NELL1: variants seen among roughly 807,000 people sequenced by gnomAD.
The protein encoded by NELL1 is neural EGFL like 1.
NELL1 carries 76 observed loss-of-function variants against 107.4 expected under a neutral mutation model. The observed-to-expected ratio is 0.71, with a 90% CI of 0.59 to 0.86. The LOEUF is 0.86. Ranked by LOEUF, NELL1 falls within the 40% of genes least tolerant of loss-of-function variation. NELL1 has a pLI of 0.00. For synonymous variants in NELL1, 353 were observed against 341.2 expected (o/e 1.03, Z -0.38); for missense variants, 1,024 against 1,005.5 (o/e 1.02, Z -0.25).
At chr11:21,349,737 T>G (rs537924660) in intron 14 of NELL1, among the ~76,000 whole-genome samples, 41 of 152,234 alleles carry the variant, frequency 2.7e-4, no homozygotes, top group African/African-American at 8.7e-4. Flanking sequence ...TGCTACAGTG[T>G]AGGTTGCAGT....
intron 13 of NELL1, among the ~76,000 whole-genome samples, chr11:21,198,628 C>T (rs755290231): frequency 5.9e-5 from 9 of 152,118 alleles, no homozygotes; most frequent in Non-Finnish European, 1.0e-4. Flanking sequence ...TGTTTATAAA[C>T]GGGGTTATTT....
In NELL1 at chr11:21,575,097, G is replaced by A; in HGVS notation, c.*75G>A. ...ACGTGATTAAGGATAGGAATCGGTA[G>A]TTTGGTTTTTTTGTTTGTTTTGTTT... On this transcript the variant is annotated 3_prime_UTR_variant, in exon 20 of 20. Coordinates refer to ENST00000357134, the MANE Select transcript of NELL1 (RefSeq NM_006157.5). 7.5e-7 allele frequency: 1 copy of A among 1,333,694 alleles called. No homozygotes were observed. The highest frequency in any genetic ancestry group is 1.2e-5 in the South Asian group (1 of 83,936). 82.6% of individuals were successfully genotyped at this position (1,333,694 alleles called of 1,614,324 possible).
intron 2 of NELL1, among the ~76,000 whole-genome samples, chr11:20,681,264 T>C (rs1854184285): frequency 6.6e-6 from 1 of 152,108 alleles, no homozygotes; most frequent in African/African-American, 2.4e-5. Flanking sequence ...TTGCCATAAA[T>C]AGCAAGAAGA....
At chr11:21,359,474 T>C (rs1195941950) in intron 14 of NELL1, among the ~76,000 whole-genome samples, 1 of 152,210 alleles carries the variant, frequency 6.6e-6, no homozygotes, top group Non-Finnish European at 1.5e-5. Context: ...GTTTTTTTGT[T>C]ATGTCCTTTA....
intron 12 of NELL1, among the ~76,000 whole-genome samples, chr11:21,070,300 A>G (rs867385027): frequency 1.8e-4 from 27 of 152,300 alleles, no homozygotes; most frequent in African/African-American, 6.3e-4. Context: ...AGAAAATTTC[A>G]GGAGTTAAAC....
At chr11:21,211,301 T>C (rs951555311) in intron 13 of NELL1, among the ~76,000 whole-genome samples, 1 of 152,020 alleles carries the variant, frequency 6.6e-6, no homozygotes, top group African/African-American at 2.4e-5. Context: ...GAAGAGCATA[T>C]GAAAATGCTT....
chr11:20,687,879 C>T (rs1355426069), intron 2 of NELL1, among the ~76,000 whole-genome samples: 1 of 152,074 alleles, frequency 6.6e-6, no homozygotes. Flanking sequence ...AGGCATGAGC[C>T]ACCATGCCTG....
intron 4 of NELL1, among the ~76,000 whole-genome samples, chr11:20,864,583 C>A (rs1030961370): frequency 1.3e-5 from 2 of 152,178 alleles, no homozygotes; most frequent in African/African-American, 4.8e-5. Context: ...CATAGGCCAT[C>A]GTCCCAATTG....
intron 11 of NELL1, among the ~76,000 whole-genome samples, chr11:20,947,870 G>C (rs1413458213): frequency 1.3e-5 from 2 of 152,040 alleles, no homozygotes; most frequent in African/African-American, 4.8e-5. Context: ...GATGTATGGT[G>C]AATCCTTACT....
chr11:21,326,083 G>GTTTT (rs1850132086), intron 14 of NELL1, among the ~76,000 whole-genome samples: 1 of 6,624 alleles, frequency 1.5e-4, no homozygotes, highest in African/African-American at 6.5e-4. Context: ...TTTTTTTTTG[G>GTTTT]GCTATTTTGA....
rs962845796 is a variant in NELL1, at chr11:21,497,700, A to T, written c.1646-36674A>T. ...ATCAAATATCATATATTATACATAA[A>T]CTCCAGTTTTTGTGTTTTTTTCTTC... On this transcript the variant is annotated intron_variant, in intron 15 of 19. Transcript: ENST00000357134. Among the ~76,000 whole-genome samples, 8 of 151,794 alleles carry T rather than the reference A, an allele frequency of 5.3e-5. No individual in the cohort carries two copies. In the East Asian group the frequency reaches 5.8e-4, roughly 11 times the overall value.
chr11:21,405,511 A>T (rs1346832447), intron 15 of NELL1, among the ~76,000 whole-genome samples: 2 of 152,052 alleles, frequency 1.3e-5, no homozygotes, highest in Non-Finnish European at 2.9e-5. Context: ...TATGAAGTTA[A>T]TACGAGAAAT....
At chr11:20,808,609 G>A (rs1290067899) in intron 3 of NELL1, among the ~76,000 whole-genome samples, 1 of 152,172 alleles carries the variant, frequency 6.6e-6, no homozygotes, top group East Asian at 1.9e-4. Context: ...AGTCCTTGTG[G>A]CTTAGACTGC....
chr11:20,825,997 C>A (rs1857874788), intron 3 of NELL1, among the ~76,000 whole-genome samples: 1 of 151,138 alleles, frequency 6.6e-6, no homozygotes, highest in African/African-American at 2.4e-5. Context: ...AGTGAGTTCT[C>A]ACAAGATCTG....
intron 12 of NELL1, among the ~76,000 whole-genome samples, chr11:20,997,007 G>A (rs969392299): frequency 2.0e-5 from 3 of 151,488 alleles, no homozygotes; most frequent in Non-Finnish European, 2.9e-5. Flanking sequence ...TGAGCATATC[G>A]TCCATTTTGC....
intron 5 of NELL1, among the ~76,000 whole-genome samples, chr11:20,892,498 G>C (rs1252002807): frequency 1.3e-5 from 2 of 152,230 alleles, no homozygotes; most frequent in Non-Finnish European, 2.9e-5. Flanking sequence ...ATGCAAATTA[G>C]TTCAACCATT....
chr11:21,342,371 T>C (rs1448036449), intron 14 of NELL1, among the ~76,000 whole-genome samples: 1 of 138,078 alleles, frequency 7.2e-6, no homozygotes, highest in African/African-American at 2.7e-5. Context: ...CTGGGCATGG[T>C]GGCTTGTGCC....
chr11:20,692,512 C>T (rs1049153837), intron 2 of NELL1, among the ~76,000 whole-genome samples: 1 of 151,212 alleles, frequency 6.6e-6, no homozygotes, highest in African/African-American at 2.4e-5. Flanking sequence ...TTTCAAAGAA[C>T]ATCTTTATTT....
At chr11:20,846,450 G>A (rs1488249859) in intron 3 of NELL1, among the ~76,000 whole-genome samples, 1 of 152,094 alleles carries the variant, frequency 6.6e-6, no homozygotes, top group African/African-American at 2.4e-5. Context: ...GAAGCAGCAG[G>A]CCCTTCCAAA....
Sources: allele counts gnomAD v4.1 joint callset (sites outside exome capture counted in the v4.1 genomes callset), GRCh38; gene constraint gnomAD v4.1.1; transcripts MANE v1.5; gene names NCBI Gene and HGNC (gene_info 2026-07-23, HGNC 2026-07-21).